The following CWH43 variants were observed in gnomAD, a reference collection of about 807,000 sequenced individuals.
CWH43 encodes cell wall biogenesis 43 C-terminal homolog.
A neutral mutation model predicts 85.7 loss-of-function variants in CWH43; 91 were observed. The ratio of observed to expected loss-of-function variants is 1.06; its 90% CI spans 0.90 to 1.26. The LOEUF (loss-of-function observed/expected upper bound fraction) is 1.26. CWH43 is among the 50% of genes most tolerant of loss of function. The pLI, the probability that CWH43 is intolerant of heterozygous loss-of-function variation, is 0.00. For missense variants in CWH43, 869 were observed against 839.2 expected (o/e 1.04, Z -0.44); for synonymous variants, 323 against 293.6 (o/e 1.10, Z -1.02).
At chr4:48,996,026 C>T (rs1315496178) in intron 5 of CWH43, among the ~76,000 whole-genome samples, 3 of 151,752 alleles carry the variant, frequency 2.0e-5, no homozygotes, top group East Asian at 3.9e-4. Flanking sequence ...GGCCCCCCTA[C>T]TTACCTTTCC....
chr4:49,039,352 G>GATATATATATATACTGATGTATATATATT (rs1254187084), intron 13 of CWH43, among the ~76,000 whole-genome samples: 2 of 5,858 alleles, frequency 3.4e-4, no homozygotes, highest in Non-Finnish European at 5.7e-4. Flanking sequence ...TATATATACT[G>GATATATATATATACTGATGTATATATATT]ATATATATAT....
At chr4:49,004,368 T>G (rs184249409) in intron 7 of CWH43, among the ~76,000 whole-genome samples, 1 of 152,184 alleles carries the variant, frequency 6.6e-6, no homozygotes, top group Non-Finnish European at 1.5e-5. Flanking sequence ...TAAATATACA[T>G]GGGGATTGTG....
At chr4:49,030,746 G>T (rs1784068355) in intron 10 of CWH43, 79 bp from the exon 11 acceptor site, 1 of 1,365,046 alleles carries the variant, frequency 7.3e-7, no homozygotes, top group Non-Finnish European at 9.7e-7. Context: ...AAGGTTAAGG[G>T]TCAAGAGTAA....
intron 15 of CWH43, among the ~76,000 whole-genome samples, chr4:49,060,552 A>C (rs1429863585): frequency 6.6e-6 from 1 of 152,098 alleles, no homozygotes; most frequent in Non-Finnish European, 1.5e-5. Context: ...TTGGGTGCTT[A>C]CTTCACTCAT....
At chr4:48,986,538 G>A in intron 1 of CWH43, 66 bp downstream of exon 1, 1 of 1,545,796 alleles carries the variant, frequency 6.5e-7, no homozygotes, top group Non-Finnish European at 8.7e-7. Context: ...CAGAGCCGTG[G>A]AGCCAGGCCA....
Position 49,025,516 on chromosome 4 carries a change from G to A in CWH43, c.1267-3113G>A, listed in dbSNP as rs142312752. ...AGGGAAGATCTGGGACTCAAGTGCT[G>A]CTCTTCAGATTCTTTTCTCCCATAG... is the stretch of plus-strand genomic sequence containing the variant. On this transcript the variant is annotated intron_variant, in intron 9 of 15. Transcript: ENST00000226432. Among the ~76,000 whole-genome samples the A allele has an allele frequency of 8.4e-3, 1,283 of 152,294 alleles. 3 individuals are homozygous for A. The highest frequency in any genetic ancestry group is 0.015 in the African/African-American group (627 of 41,562).
intron 15 of CWH43, among the ~76,000 whole-genome samples, chr4:49,051,116 C>G (rs142388592): frequency 2.2e-4 from 34 of 152,306 alleles, no homozygotes; most frequent in Middle Eastern, 3.4e-3. Flanking sequence ...TCACCATCAT[C>G]ATCACTGTCA....
At position 49,013,637 on chromosome 4, in the gene CWH43, T is replaced by C. The variant is rs1242419361; in HGVS notation, c.1187-3612T>C. 2.0e-5 allele frequency among the ~76,000 whole-genome samples: 3 copies of C among 152,214 alleles called. No homozygotes were observed. In the East Asian group the frequency reaches 5.8e-4, roughly 29 times the overall value. ...TCGTCCATCTATTTCTCTACTTTTT[T>C]TTTTGTACTTTAAAGCAAATCTCTG... On this transcript the variant is annotated intron_variant, in intron 8 of 15. Coordinates refer to ENST00000226432, the MANE Select transcript of CWH43 (RefSeq NM_025087.3).
chr4:49,038,000 A>G (rs779242773), intron 12 of CWH43, 36 bp from the exon 13 acceptor site: 1 of 1,559,134 alleles, frequency 6.4e-7, no homozygotes, highest in South Asian at 1.2e-5. Flanking sequence ...TTTGTTTTAC[A>G]AATACAATAA....
At chr4:49,053,960 G>A (rs1455832487) in intron 15 of CWH43, among the ~76,000 whole-genome samples, 1 of 152,132 alleles carries the variant, frequency 6.6e-6, no homozygotes, top group East Asian at 1.9e-4. Context: ...TCATCCCATA[G>A]GTTGTCTCTT....
intron 5 of CWH43, 83 bp from the exon 6 acceptor site, chr4:48,998,377 G>C: frequency 1.9e-6 from 2 of 1,059,880 alleles, no homozygotes; most frequent in Non-Finnish European, 2.9e-6. Context: ...GTACCCAGAG[G>C]TGGGAGGTAT....
chr4:49,057,096 A>G (rs181661484), intron 15 of CWH43, among the ~76,000 whole-genome samples: 179 of 152,336 alleles, frequency 1.2e-3, no homozygotes, highest in African/African-American at 3.9e-3. Flanking sequence ...TTCCATGAAC[A>G]TGTGAACCCC....
rs1477802840 is a variant in CWH43 at position 49,032,560 on chromosome 4, A to G, written c.1509-6A>G. The G allele has an allele frequency of 6.2e-7, 1 of 1,613,840 alleles. No homozygotes were observed. ...GATGCCCATGTCTCTTTTCATTCCA[A>G]TACAGGATTATGGCTTTGTCAAGAT... On this transcript the variant is annotated splice_region_variant and splice_polypyrimidine_tract_variant and intron_variant, in intron 11 of 15. Transcript: ENST00000226432.
At chr4:49,004,045 T>C (rs1017751849) in intron 7 of CWH43, 53 bp downstream of exon 7, 19 of 1,507,600 alleles carry the variant, frequency 1.3e-5, no homozygotes, top group Middle Eastern at 4.5e-4. Flanking sequence ...AATATCCTTA[T>C]GGACTGACCA....
chr4:49,031,443 T>C (rs1040775000), intron 11 of CWH43, among the ~76,000 whole-genome samples: 1 of 152,122 alleles, frequency 6.6e-6, no homozygotes, highest in Non-Finnish European at 1.5e-5. Flanking sequence ...AGGACCAGCC[T>C]TGGGAAGAGC....
intron 11 of CWH43, among the ~76,000 whole-genome samples, chr4:49,032,322 T>C (rs1470455652): frequency 1.3e-5 from 2 of 152,246 alleles, no homozygotes; most frequent in African/African-American, 4.8e-5. Flanking sequence ...GCCCTTTTCA[T>C]GTGTCCATAG....
At chr4:49,044,382 T>C (rs920680609) in intron 13 of CWH43, among the ~76,000 whole-genome samples, 3 of 152,150 alleles carry the variant, frequency 2.0e-5, no homozygotes, top group Non-Finnish European at 4.4e-5. Flanking sequence ...GATGGAGACA[T>C]AGAAACAGAT....
At chr4:49,038,556 T>C (rs1223019715) in intron 13 of CWH43, among the ~76,000 whole-genome samples, 1 of 152,156 alleles carries the variant, frequency 6.6e-6, no homozygotes, top group African/African-American at 2.4e-5. Context: ...CTTTCAATAG[T>C]GAAAATCCCA....
chr4:49,052,506 A>C (rs1219482402), intron 15 of CWH43, among the ~76,000 whole-genome samples: 1 of 152,232 alleles, frequency 6.6e-6, no homozygotes, highest in Admixed American at 6.5e-5. Context: ...GAAGTAAAAT[A>C]GAAGGATTCC....
Sources: allele counts gnomAD v4.1 joint callset (sites outside exome capture counted in the v4.1 genomes callset), GRCh38; gene constraint gnomAD v4.1.1; transcripts MANE v1.5; gene names NCBI Gene and HGNC (gene_info 2026-07-23, HGNC 2026-07-21).